MMAB: variants seen among roughly 807,000 people sequenced by gnomAD.
MMAB encodes metabolism of cobalamin associated B.
MMAB carries 17 observed loss-of-function variants against 30.6 expected under a neutral mutation model. That is an observed-to-expected ratio of 0.56 (90% confidence interval 0.38 to 0.83). MMAB has a LOEUF of 0.83. Among genes scored for constraint, MMAB ranks in the 40% least tolerant of loss-of-function variants. MMAB has a pLI of 0.00. For synonymous variants in MMAB, 134 were observed against 138.6 expected, an observed-to-expected ratio of 0.97 and a Z score of 0.23; for missense variants, 311 against 331.6, an observed-to-expected ratio of 0.94 and a Z score of 0.48.
At chr12:109,564,057 C>T (rs1206687920) in intron 4 of MMAB, among the ~76,000 whole-genome samples, 3 of 152,230 alleles carry the variant, frequency 2.0e-5, no homozygotes, top group Admixed American at 2.0e-4. Context: ...CTAGGCTTCC[C>T]AGGTTCCCTC....
At chr12:109,571,246 T>C (rs1214652568) in intron 2 of MMAB, among the ~76,000 whole-genome samples, 1 of 152,166 alleles carries the variant, frequency 6.6e-6, no homozygotes, top group East Asian at 1.9e-4. Flanking sequence ...ACTTTTTTTT[T>C]CTGAGACTTT....
intron 2 of MMAB, among the ~76,000 whole-genome samples, chr12:109,570,291 G>C (rs1199110586): frequency 6.6e-6 from 1 of 152,024 alleles, no homozygotes; most frequent in Non-Finnish European, 1.5e-5. Flanking sequence ...GACAGAAACA[G>C]CCCTGCTTCC....
rs1057521493 is a variant in MMAB, at chr12:109,557,140, G to A, written c.645-4C>T. 1 of 1,584,722 alleles carries A rather than the reference G, an allele frequency of 6.3e-7. No homozygotes were observed. Among genetic ancestry groups the A allele is most frequent in the African/African-American group, 1.3e-5 (1 of 74,356 alleles). On this transcript the variant is annotated splice_polypyrimidine_tract_variant and splice_region_variant and intron_variant, in intron 8 of 8. Transcript: ENST00000545712. ...CGTGAAGAGATAGTCACTGAGTCTGGAGGGGCAGAGAGAGAGAAGCAAACA... is the reference window on the plus strand; with the variant it reads ...CGTGAAGAGATAGTCACTGAGTCTGAAGGGGCAGAGAGAGAGAAGCAAACA...
rs1884081301 is a variant in MMAB at position 109,558,827 on chromosome 12, T to C, written c.644+269A>G. ...TGCCCCCGCAATGCCACTTTGCACT[T>C]AGGTTTTTCTTCCTGGTTTTTACAG... On this transcript the variant is annotated intron_variant, in intron 8 of 8. Coordinates refer to ENST00000545712, the MANE Select transcript of MMAB (RefSeq NM_052845.4). This position sits in a 1 kb window ranked among gnomAD's most constrained non-coding sequence, Gnocchi z 4.3. Among the ~76,000 whole-genome samples, 1 of 151,740 alleles carries C rather than the reference T, an allele frequency of 6.6e-6. No homozygotes were observed.
chr12:109,564,757 C>A, intron 4 of MMAB: 1 of 382,486 alleles, frequency 2.6e-6, no homozygotes. Flanking sequence ...CAGCTCACTG[C>A]AGCCTTGACC....
At position 109,558,653 on chromosome 12, in the gene MMAB, G is replaced by A. The variant is rs79832879; in HGVS notation, c.644+443C>T. Among the ~76,000 whole-genome samples, 1,884 of 152,040 alleles carry A rather than the reference G, an allele frequency of 0.012. 31 individuals carry two copies. Among genetic ancestry groups the A allele is most frequent in the African/African-American group, 0.038 (1,559 of 41,480 alleles). On this transcript the variant is annotated intron_variant, in intron 8 of 8. Transcript: ENST00000545712. This position sits in a 1 kb window ranked among gnomAD's most constrained non-coding sequence, Gnocchi z 4.3. ...GGGGCCTGCATGGGGTCCCCTGAGC[G>A]CAGCTTGGCCCGGCTCTCTTGTTGG...
chr12:109,559,679 T>C (rs1474977934), intron 7 of MMAB, among the ~76,000 whole-genome samples: 1 of 152,240 alleles, frequency 6.6e-6, no homozygotes, highest in East Asian at 1.9e-4. Context: ...CATTAGACAC[T>C]GGACGGCCAT....
chr12:109,557,515 CA>C (rs1884023511), intron 8 of MMAB, among the ~76,000 whole-genome samples: 1 of 152,214 alleles, frequency 6.6e-6, no homozygotes, highest in Non-Finnish European at 1.5e-5. Flanking sequence ...CAGGCATCAC[CA>C]GGGGATCTCA....
At chr12:109,572,032 A>G (rs1046802973) in intron 1 of MMAB, among the ~76,000 whole-genome samples, 1 of 152,214 alleles carries the variant, frequency 6.6e-6, no homozygotes, top group Non-Finnish European at 1.5e-5. Flanking sequence ...AGTAGTTTAC[A>G]GGCATTATCT....
chr12:109,555,274 G>GGTTTTTTTTTTTTGTTTGTTTGTTT lies in MMAB; in HGVS notation c.*1753_*1754insAAACAAACAAACAAAAAAAAAAAAC. ...CGAGCCTTAGTGATTGCGTTTTCAG[G>GGTTTTTTTTTTTTGTTTGTTTGTTT]GTTTTTTTTTTTTTTTTTTTTTTTT... On this transcript the variant is annotated 3_prime_UTR_variant, in exon 9 of 9. Transcript: ENST00000545712. 1 of 338,532 alleles carries GGTTTTTTTTTTTTGTTTGTTTGTTT rather than the reference G, an allele frequency of 3.0e-6. No individual in the cohort carries two copies. The highest frequency in any genetic ancestry group is 4.2e-5 in the African/African-American group (1 of 23,762). The allele number at this position is 338,532 out of a possible 1,614,324, so 21.0% of individuals were successfully genotyped here.
rs1373737191 is a variant in MMAB at position 109,561,987 on chromosome 12, A to G, written c.349-135T>C. 1 of 751,400 alleles carries G rather than the reference A, an allele frequency of 1.3e-6. No homozygotes were observed. The highest frequency in any genetic ancestry group is 1.7e-5 in the African/African-American group (1 of 58,034). The allele number at this position is 751,400 out of a possible 1,614,324, so 46.5% of individuals were successfully genotyped here. A position where few individuals can be genotyped will look rare whatever the true frequency, so the allele number is the denominator to read the frequency against. ...ATGAAGGGCTGTGATATGGTTTGGC[A>G]ATGTGTCCCCATCCAAATCTCATGT... On this transcript the variant is annotated intron_variant, in intron 4 of 8. Transcript: ENST00000545712. This position sits in a 1 kb window ranked among gnomAD's most constrained non-coding sequence, Gnocchi z 5.3.
chr12:109,561,261 GTGGGCAGGGC>G lies in MMAB; in HGVS notation c.519+149_519+158del. 6.3e-7 allele frequency: 1 copy of G among 1,587,326 alleles called. No homozygotes were observed. The highest frequency in any genetic ancestry group is 1.3e-5 in the African/African-American group (1 of 74,722). On this transcript the variant is annotated intron_variant, in intron 6 of 8. Transcript: ENST00000545712. This position sits in a 1 kb window ranked among gnomAD's most constrained non-coding sequence, Gnocchi z 5.3. Reference sequence around the variant, plus strand: ...CACCCACCGGGCACGCTGCTCCAGAGTGGGCAGGGCTGGGAGGGACCGGTGAGGACCTGGA... The same window carrying G: ...CACCCACCGGGCACGCTGCTCCAGAGTGGGAGGGACCGGTGAGGACCTGGA...
In MMAB at chr12:109,561,689, G is replaced by T; in HGVS notation, c.421+91C>A. ...GCAAGGCTAACTGACCCACCCGTGG[G>T]TCCCTGGGGGCCTGGGATCCCAGAT... On this transcript the variant is annotated intron_variant, in intron 5 of 8. Coordinates refer to ENST00000545712, the MANE Select transcript of MMAB (RefSeq NM_052845.4). The surrounding 1 kb of genome is among the most constrained non-coding windows in gnomAD (Gnocchi z 5.3). The T allele has an allele frequency of 7.4e-7, 1 of 1,342,618 alleles. No homozygotes were observed. Among genetic ancestry groups the T allele is most frequent in the Non-Finnish European group, 1.0e-6 (1 of 958,784 alleles). 83.2% of individuals were successfully genotyped at this position (1,342,618 alleles called of 1,614,324 possible).
chr12:109,561,643 C>A lies in MMAB; in HGVS notation c.422-126G>T. Reference sequence around the variant, plus strand: ...CTGCTTCCACTGGCTCAGAAGGTACCTTCCCTCCCAGGAGCTACGAGCAAG... The same window carrying A: ...CTGCTTCCACTGGCTCAGAAGGTACATTCCCTCCCAGGAGCTACGAGCAAG... On this transcript the variant is annotated intron_variant, in intron 5 of 8. Coordinates refer to ENST00000545712, the MANE Select transcript of MMAB (RefSeq NM_052845.4). The surrounding 1 kb of genome is among the most constrained non-coding windows in gnomAD (Gnocchi z 5.3). 8.2e-7 allele frequency: 1 copy of A among 1,214,706 alleles called. No homozygotes were observed. Among genetic ancestry groups the A allele is most frequent in the South Asian group, 1.3e-5 (1 of 76,972 alleles). 75.2% of individuals were successfully genotyped at this position (1,214,706 alleles called of 1,614,324 possible). A position where few individuals can be genotyped will look rare whatever the true frequency, so the allele number is the denominator to read the frequency against.
intron 2 of MMAB, among the ~76,000 whole-genome samples, chr12:109,570,956 A>G (rs1884611027): frequency 6.6e-6 from 1 of 151,900 alleles, no homozygotes; most frequent in Non-Finnish European, 1.5e-5. Context: ...AGCATTTTAA[A>G]AACTATTAAA....
At chr12:109,568,126 CA>C (rs1265763557) in intron 3 of MMAB, 12 of 156,088 alleles carry the variant, frequency 7.7e-5, no homozygotes, top group African/African-American at 2.9e-4. Context: ...CTGGCAGCGT[CA>C]GGAGCCAATG....
rs115170768 is a variant in MMAB, at chr12:109,556,011, A to G, written c.*1017T>C. ...GACAAGAGCCTGCCCTTCCAAAGTCATTTCCTGCAATTAGCAGCCTGCAGT... is the reference window on the plus strand; with the variant it reads ...GACAAGAGCCTGCCCTTCCAAAGTCGTTTCCTGCAATTAGCAGCCTGCAGT... On this transcript the variant is annotated 3_prime_UTR_variant, in exon 9 of 9. Coordinates refer to ENST00000545712, the MANE Select transcript of MMAB (RefSeq NM_052845.4). The G allele has an allele frequency of 2.2e-6, 1 of 454,004 alleles. No individual in the cohort carries two copies. Among genetic ancestry groups the G allele is most frequent in the African/African-American group, 2.0e-5 (1 of 50,104 alleles). 28.1% of individuals were successfully genotyped at this position (454,004 alleles called of 1,614,324 possible). A position where few individuals can be genotyped will look rare whatever the true frequency, so the allele number is the denominator to read the frequency against.
At position 109,561,583 on chromosome 12, in the gene MMAB, AC is replaced by A; in HGVS notation, c.422-67del. On this transcript the variant is annotated intron_variant, in intron 5 of 8. Transcript: ENST00000545712. This position sits in a 1 kb window ranked among gnomAD's most constrained non-coding sequence, Gnocchi z 5.3. The stretch of plus-strand genomic sequence containing the variant: ...CACCCACCAGACCATGGCGGGAACC[AC>A]CCCCGCCGCCCTTCCACCTGGGTGT... The A allele has an allele frequency of 2.2e-6, 3 of 1,393,616 alleles. No homozygotes were observed. The highest frequency in any genetic ancestry group is 3.0e-6 in the Non-Finnish European group (3 of 1,013,420). 86.3% of individuals were successfully genotyped at this position (1,393,616 alleles called of 1,614,324 possible).
At chr12:109,563,648 C>G (rs1884296308) in intron 4 of MMAB, among the ~76,000 whole-genome samples, 2 of 152,242 alleles carry the variant, frequency 1.3e-5, no homozygotes, top group Non-Finnish European at 2.9e-5. Flanking sequence ...AGCTGCGACC[C>G]AACGCGTACA....
Sources: allele counts gnomAD v4.1 joint callset (sites outside exome capture counted in the v4.1 genomes callset), GRCh38; gene constraint gnomAD v4.1.1; non-coding constraint Gnocchi (gnomAD v3.1); transcripts MANE v1.5; gene names NCBI Gene and HGNC (gene_info 2026-07-23, HGNC 2026-07-21).